The following IQCM variants were observed in gnomAD, a reference collection of about 807,000 sequenced individuals.
IQCM encodes IQ motif containing M.
In IQCM, 45 loss-of-function variants were observed where a neutral mutation model predicts 57.6. The observed-to-expected ratio is 0.78, with a 90% CI of 0.62 to 1.00. The LOEUF is 1.00. Among genes scored for constraint, IQCM ranks in the 50% least tolerant of loss-of-function variants. The pLI is 0.00. For synonymous variants in IQCM, 148 were observed against 158.9 expected, an observed-to-expected ratio of 0.93 and a Z score of 0.51; for missense variants, 468 against 511.6, an observed-to-expected ratio of 0.91 and a Z score of 0.82.
chr4:149,671,112 G>C (rs901479037), intron 7 of IQCM, among the ~76,000 whole-genome samples: 11 of 152,100 alleles, frequency 7.2e-5, no homozygotes, highest in Non-Finnish European at 1.0e-4. Flanking sequence ...AATCCATCTG[G>C]TCCTGGACTC....
intron 12 of IQCM, among the ~76,000 whole-genome samples, chr4:149,532,178 T>C (rs1746816871): frequency 1.3e-5 from 2 of 152,106 alleles, no homozygotes; most frequent in Admixed American, 1.3e-4. Flanking sequence ...AGTCTCGGTA[T>C]ACATGAAAGT....
At chr4:149,594,972 C>T in intron 8 of IQCM, among the ~76,000 whole-genome samples, 1 of 152,066 alleles carries the variant, frequency 6.6e-6, no homozygotes, top group Non-Finnish European at 1.5e-5. Flanking sequence ...TCTATTAGGT[C>T]CACTTGGTGC....
At chr4:149,620,161 A>T (rs1561068612) in intron 8 of IQCM, among the ~76,000 whole-genome samples, 1 of 142,022 alleles carries the variant, frequency 7.0e-6, no homozygotes, top group East Asian at 2.0e-4. Context: ...CGTCTCAAAA[A>T]CAAAAAAAAA....
intron 7 of IQCM, among the ~76,000 whole-genome samples, chr4:149,652,561 A>G (rs987508772): frequency 3.9e-5 from 6 of 152,154 alleles, no homozygotes; most frequent in African/African-American, 1.4e-4. Context: ...AAAAGGATAT[A>G]AAAGCTGAGG....
intron 12 of IQCM, among the ~76,000 whole-genome samples, chr4:149,510,362 AGAATT>A (rs1744281687): frequency 6.6e-6 from 1 of 152,186 alleles, no homozygotes; most frequent in Non-Finnish European, 1.5e-5. Flanking sequence ...TGTGTGGTAT[AGAATT>A]TAAATATTTA....
At chr4:149,780,728 A>G (rs1771529341) in intron 2 of IQCM, among the ~76,000 whole-genome samples, 1 of 152,068 alleles carries the variant, frequency 6.6e-6, no homozygotes, top group Admixed American at 6.6e-5. Context: ...TGACAAAGGG[A>G]GTAGGGAGCA....
chr4:149,407,027 C>G (rs934769948), intron 13 of IQCM, among the ~76,000 whole-genome samples: 1 of 151,372 alleles, frequency 6.6e-6, no homozygotes, highest in Non-Finnish European at 1.5e-5. Flanking sequence ...GCGAAAGGCA[C>G]GTTTTACATG....
chr4:149,617,473 C>G (rs1039777839), intron 8 of IQCM, among the ~76,000 whole-genome samples: 2 of 152,096 alleles, frequency 1.3e-5, no homozygotes, highest in Non-Finnish European at 2.9e-5. Context: ...TTCAGACACA[C>G]CCCCAACCAT....
intron 12 of IQCM, among the ~76,000 whole-genome samples, chr4:149,465,265 T>C (rs1054299057): frequency 3.9e-5 from 6 of 152,192 alleles, no homozygotes; most frequent in South Asian, 2.1e-4. Context: ...ATGTAAGATA[T>C]GTAGCTGGAC....
At position 149,791,981 on chromosome 4, in the gene IQCM, A is replaced by G. The variant is rs115285140; in HGVS notation, c.-49+23330T>C. On this transcript the variant is annotated intron_variant, in intron 2 of 13. Transcript: ENST00000636793. ...AAGAGCATATACACAATTGACATCA[A>G]GAGTAGGCTAACCAGAGACTAAACT... Among the ~76,000 whole-genome samples, 517 of 152,296 alleles carry G rather than the reference A, an allele frequency of 3.4e-3. 6 individuals carry two copies. The highest frequency in any genetic ancestry group is 0.012 in the African/African-American group (480 of 41,586).
intron 7 of IQCM, among the ~76,000 whole-genome samples, chr4:149,637,644 G>A (rs1376529000): frequency 6.6e-6 from 1 of 152,148 alleles, no homozygotes; most frequent in Non-Finnish European, 1.5e-5. Flanking sequence ...TAAAGCTACA[G>A]TATTAAGATA....
chr4:149,534,622 AC>A (rs1747097972), intron 12 of IQCM, among the ~76,000 whole-genome samples: 1 of 152,132 alleles, frequency 6.6e-6, no homozygotes, highest in Non-Finnish European at 1.5e-5. Context: ...TAAAAACTCA[AC>A]AGTTTTATGG....
chr4:149,814,074 A>G (rs1233150084), intron 2 of IQCM, among the ~76,000 whole-genome samples: 1 of 152,080 alleles, frequency 6.6e-6, no homozygotes, highest in African/African-American at 2.4e-5. Flanking sequence ...TTCTAAAAGT[A>G]AACAGGAGAC....
chr4:149,467,615 A>G (rs1319884001), intron 12 of IQCM, among the ~76,000 whole-genome samples: 1 of 152,224 alleles, frequency 6.6e-6, no homozygotes, highest in Non-Finnish European at 1.5e-5. Flanking sequence ...AAACCAACCA[A>G]GCCTCATGCA....
intron 13 of IQCM, among the ~76,000 whole-genome samples, chr4:149,419,664 T>G (rs538615134): frequency 3.3e-5 from 5 of 152,140 alleles, no homozygotes; most frequent in African/African-American, 9.6e-5. Flanking sequence ...ACTAAAGAGT[T>G]TCTGCACAGC....
intron 12 of IQCM, among the ~76,000 whole-genome samples, chr4:149,475,632 G>T (rs1740102217): frequency 6.6e-6 from 1 of 152,110 alleles, no homozygotes; most frequent in South Asian, 2.1e-4. Flanking sequence ...TTGTAGCACT[G>T]AGGGGGGAAG....
intron 5 of IQCM, among the ~76,000 whole-genome samples, chr4:149,695,344 T>A (rs1269190651): frequency 1.3e-5 from 2 of 152,196 alleles, no homozygotes; most frequent in Non-Finnish European, 2.9e-5. Context: ...TAACTACAAA[T>A]AATTACATAA....
chr4:149,586,604 T>C (rs1346699181), intron 9 of IQCM, among the ~76,000 whole-genome samples: 1 of 151,666 alleles, frequency 6.6e-6, no homozygotes, highest in Non-Finnish European at 1.5e-5. Flanking sequence ...ATTTCATTGC[T>C]TTCTGTTCTT....
intron 13 of IQCM, among the ~76,000 whole-genome samples, chr4:149,394,742 C>T (rs948618983): frequency 1.3e-5 from 2 of 151,998 alleles, no homozygotes; most frequent in African/African-American, 4.8e-5. Context: ...AAGGATCTAG[C>T]TTCCACAGTA....
Sources: gnomAD v4.1 joint callset for allele counts (sites outside exome capture counted in the v4.1 genomes callset) on GRCh38, gnomAD v4.1.1 for gene constraint, MANE v1.5 for transcripts, NCBI Gene and HGNC (gene_info 2026-07-23, HGNC 2026-07-21) for gene names.